Variants in SH3GL1 observed in about 807,000 individuals in gnomAD.
SH3GL1 encodes the protein endophilin-A2.
A neutral mutation model predicts 48.8 loss-of-function variants in SH3GL1; 21 were observed. The observed-to-expected ratio is 0.43, with a 90% CI of 0.30 to 0.62. The LOEUF is 0.62. Ranked by LOEUF, SH3GL1 falls within the 20% of genes least tolerant of loss-of-function variation. The pLI is 0.11. For synonymous variants in SH3GL1, 282 were observed against 217.5 expected, an observed-to-expected ratio of 1.30 and a Z score of -2.61; for missense variants, 454 against 503.0, an observed-to-expected ratio of 0.90 and a Z score of 0.93.
intron 1 of SH3GL1, among the ~76,000 whole-genome samples, chr19:4,388,766 G>A (rs983347188): frequency 5.3e-5 from 8 of 152,204 alleles, no homozygotes; most frequent in East Asian, 3.9e-4. Flanking sequence ...GGAAGCAGGC[G>A]TCTGGGCTTG....
chr19:4,370,187 G>A (rs1972868953), intron 1 of SH3GL1, among the ~76,000 whole-genome samples: 1 of 152,224 alleles, frequency 6.6e-6, no homozygotes, highest in Admixed American at 6.5e-5. Context: ...CCTGTTGTGG[G>A]GCAGCCAGCC....
chr19:4,391,878 C>G (rs533558146), intron 1 of SH3GL1, among the ~76,000 whole-genome samples: 1 of 152,304 alleles, frequency 6.6e-6, no homozygotes, highest in South Asian at 2.1e-4. Context: ...GCCGCCGGCT[C>G]CAATGCCGGC....
chr19:4,367,223 C>T lies in SH3GL1; in HGVS notation c.46-229G>A, dbSNP rs1269341150. Among the ~76,000 whole-genome samples, 1 of 152,164 alleles carries T rather than the reference C, an allele frequency of 6.6e-6. No individual in the cohort carries two copies. The highest frequency in any genetic ancestry group is 2.4e-5 in the African/African-American group (1 of 41,462). ...GGGAGGGTGGGGGTGGCCTGCCCAC[C>T]TGTGTGTGTCCCGACTGCCACTCAC... On this transcript the variant is annotated intron_variant, in intron 1 of 9. Coordinates refer to ENST00000269886, the MANE Select transcript of SH3GL1 (RefSeq NM_003025.4). This position sits in a 1 kb window ranked among gnomAD's most constrained non-coding sequence, Gnocchi z 4.2.
At position 4,362,648 on chromosome 19, in the gene SH3GL1, C is replaced by G. The variant is rs749170520; in HGVS notation, c.817G>C (p.Gly273Arg). Reference protein sequence around the residue: ...FDLGEPEQSNGGFPCTTAPKI... With the variant: ...FDLGEPEQSNRGFPCTTAPKI... ...GGGGCTGTGGTGCAGGGGAAGCCCCCGTTGGACTGCTCAGGCTCTCCAAGG... is the reference window on the plus strand; with the variant it reads ...GGGGCTGTGGTGCAGGGGAAGCCCCGGTTGGACTGCTCAGGCTCTCCAAGG... The change falls in exon 8 of 10, where the codon GGG becomes CGG. Residue 273 changes from glycine (G) to arginine (R), a missense_variant. By Grantham distance (125) the Gly-to-Arg change is moderately radical. Around this residue, in one of 2 missense-constraint regions of SH3GL1, gnomAD observed 278 missense variants for 246.8 expected, o/e 1.13. Transcript: ENST00000269886. 1.2e-6 allele frequency: 2 copies of G among 1,613,800 alleles called. No individual in the cohort carries two copies. Among genetic ancestry groups the G allele is most frequent in the African/African-American group, 1.3e-5 (1 of 74,938 alleles).
chr19:4,369,320 G>A (rs188591763), intron 1 of SH3GL1, among the ~76,000 whole-genome samples: 3 of 152,368 alleles, frequency 2.0e-5, no homozygotes, highest in Admixed American at 6.5e-5. Context: ...CAGAGCCAGC[G>A]GCTGCCGGAG....
chr19:4,361,368 GCCGTCA>G lies in SH3GL1; in HGVS notation c.*226_*231del, dbSNP rs1482939326. 3.3e-4 allele frequency: 179 copies of G among 540,020 alleles called. No individual in the cohort carries two copies. Among genetic ancestry groups the G allele is most frequent in the Non-Finnish European group, 3.9e-5 (12 of 304,408 alleles). 33.5% of individuals were successfully genotyped at this position (540,020 alleles called of 1,614,324 possible). A position where few individuals can be genotyped will look rare whatever the true frequency, so the allele number is the denominator to read the frequency against. ...CTGGCGCCATGGAGTGGGGAAGGGA[GCCGTCA>G]CCGTTGGGAGTCAGCGCTAGTGTAA... On this transcript the variant is annotated 3_prime_UTR_variant, in exon 10 of 10. Transcript: ENST00000269886.
At chr19:4,380,647 G>A (rs935809185) in intron 1 of SH3GL1, among the ~76,000 whole-genome samples, 20 of 152,190 alleles carry the variant, frequency 1.3e-4, no homozygotes, top group African/African-American at 4.8e-4. Context: ...ACTGTCTTCA[G>A]GACAGTCGGC....
intron 1 of SH3GL1, among the ~76,000 whole-genome samples, chr19:4,379,620 G>C (rs1282478891): frequency 6.6e-6 from 1 of 152,030 alleles, no homozygotes; most frequent in African/African-American, 2.4e-5. Flanking sequence ...TACCAGCTGG[G>C]AACTTGGCAC....
chr19:4,371,285 G>A (rs1453049805), intron 1 of SH3GL1, among the ~76,000 whole-genome samples: 3 of 152,398 alleles, frequency 2.0e-5, no homozygotes, highest in Non-Finnish European at 2.9e-5. Context: ...TCAGGACAGG[G>A]CTACCGTAGG....
Position 4,400,342 on chromosome 19 carries a change from C to T in SH3GL1, c.27G>A (p.Gln9=), listed in dbSNP as rs756820926. Residue 9 remains glutamine, a synonymous_variant, in exon 1 of 10, where the codon CAG becomes CAA. Coordinates refer to ENST00000269886, the MANE Select transcript of SH3GL1 (RefSeq NM_003025.4). This position sits in a 1 kb window ranked among gnomAD's most constrained non-coding sequence, Gnocchi z 4.1. ...CGCTCACCTGGCTCGCCTTGTAGAA[C>T]TGCTTCTTCAGCCCCGCCACCGACA... MSVAGLKK[Q]FYKASQLVSE... 1 of 1,596,152 alleles carries T rather than the reference C, an allele frequency of 6.3e-7. No homozygotes were observed. The highest frequency in any genetic ancestry group is 1.1e-5 in the South Asian group (1 of 89,576).
At chr19:4,373,385 C>T (rs1022909453) in intron 1 of SH3GL1, among the ~76,000 whole-genome samples, 3 of 152,210 alleles carry the variant, frequency 2.0e-5, no homozygotes, top group African/African-American at 4.8e-5. Flanking sequence ...GTCCTTCGAG[C>T]CTCCAGCCTC....
intron 1 of SH3GL1, among the ~76,000 whole-genome samples, chr19:4,370,495 G>T (rs762269164): frequency 6.6e-6 from 1 of 152,116 alleles, no homozygotes; most frequent in South Asian, 2.1e-4. Context: ...CCTGCATCAG[G>T]GTGGCAGGGT....
chr19:4,383,925 G>C (rs112469760), intron 1 of SH3GL1, among the ~76,000 whole-genome samples: 1 of 152,150 alleles, frequency 6.6e-6, no homozygotes, highest in South Asian at 2.1e-4. Flanking sequence ...GTTTGACCTC[G>C]GCTAGGAACA....
intron 4 of SH3GL1, 157 bp from the exon 5 acceptor site, chr19:4,364,378 TG>T: frequency 1.1e-6 from 1 of 893,074 alleles, no homozygotes; most frequent in Non-Finnish European, 1.7e-6. Flanking sequence ...CAAGCCATGC[TG>T]GCACCTCAGC....
rs1040925270 is a variant in SH3GL1, at chr19:4,367,202, G to C, written c.46-208C>G. Among the ~76,000 whole-genome samples the C allele has an allele frequency of 1.3e-5, 2 of 152,090 alleles. No homozygotes were observed. The highest frequency in any genetic ancestry group is 2.9e-5 in the Non-Finnish European group (2 of 68,002). ...GGGTGGGCCTGCAGGGGGAGGGGGA[G>C]GGTGGGGGTGGCCTGCCCACCTGTG... is the stretch of plus-strand genomic sequence containing the variant. On this transcript the variant is annotated intron_variant, in intron 1 of 9. Coordinates refer to ENST00000269886, the MANE Select transcript of SH3GL1 (RefSeq NM_003025.4). This position sits in a 1 kb window ranked among gnomAD's most constrained non-coding sequence, Gnocchi z 4.2.
chr19:4,395,441 C>G (rs1046473888), intron 1 of SH3GL1: 1 of 152,162 alleles, frequency 6.6e-6, no homozygotes, highest in Admixed American at 6.5e-5. Context: ...CTCTGTGAAC[C>G]ATGTTTCAGT....
Position 4,363,703 on chromosome 19 carries a change from C to A in SH3GL1, c.624+17G>T. On this transcript the variant is annotated intron_variant, in intron 6 of 9. Coordinates refer to ENST00000269886, the MANE Select transcript of SH3GL1 (RefSeq NM_003025.4). ...GGGCATAGGTCTTCTCAGGATGTGA[C>A]ACCCCGAGCTACTCACGTCAGTCTC... The A allele has an allele frequency of 6.2e-7, 1 of 1,612,462 alleles. No homozygotes were observed. Among genetic ancestry groups the A allele is most frequent in the South Asian group, 1.1e-5 (1 of 91,032 alleles).
At chr19:4,363,509 T>G in intron 6 of SH3GL1, 36 bp from the exon 7 acceptor site, 1 of 1,575,638 alleles carries the variant, frequency 6.3e-7, no homozygotes, top group Non-Finnish European at 8.7e-7. Context: ...CTCCTGCCAG[T>G]GCCACTGTCC....
At position 4,400,488 on chromosome 19, in the gene SH3GL1, A is replaced by AGCTCCGCGCCCGCCC; in HGVS notation, c.-135_-121dup. 1 of 888,742 alleles carries AGCTCCGCGCCCGCCC rather than the reference A, an allele frequency of 1.1e-6. No individual in the cohort carries two copies. The highest frequency in any genetic ancestry group is 1.4e-6 in the Non-Finnish European group (1 of 712,170). 55.1% of individuals were successfully genotyped at this position (888,742 alleles called of 1,614,324 possible). A position where few individuals can be genotyped will look rare whatever the true frequency, so the allele number is the denominator to read the frequency against. ...GCGCCGCCTCCGCCACCCGCTTGCC[A>AGCTCCGCGCCCGCCC]GCTCCGCGCCCGCCCCGGCGCCGCC... On this transcript the variant is annotated 5_prime_UTR_variant, in exon 1 of 10. Transcript: ENST00000269886. The surrounding 1 kb of genome is among the most constrained non-coding windows in gnomAD (Gnocchi z 4.1).
Sources: gnomAD v4.1 joint callset for allele counts (sites outside exome capture counted in the v4.1 genomes callset) on GRCh38, gnomAD v4.1.1 for gene constraint, gnomAD v4.1.1 regional missense constraint, Gnocchi (gnomAD v3.1) non-coding constraint, MANE v1.5 for transcripts, NCBI Gene and HGNC (gene_info 2026-07-23, HGNC 2026-07-21) for gene names.